Variants in FUT8 observed in about 807,000 individuals in gnomAD.
The protein encoded by FUT8 is fucosyltransferase 8.
FUT8 carries 29 observed loss-of-function variants against 71.3 expected under a neutral mutation model. The observed-to-expected ratio is 0.41, with a 90% CI of 0.30 to 0.55. FUT8 has a LOEUF of 0.55. FUT8 is among the 20% of genes least tolerant of loss of function. The probability of loss-of-function intolerance (pLI) is 0.34; values close to 1 mark genes in which losing one functional copy is unlikely to be tolerated. For missense variants in FUT8, 544 were observed against 702.1 expected, an observed-to-expected ratio of 0.77 and a Z score of 2.55; for synonymous variants, 254 against 239.3, an observed-to-expected ratio of 1.06 and a Z score of -0.57.
chr14:65,629,541 G>A lies in FUT8; in HGVS notation c.532G>A (p.Asp178Asn), dbSNP rs1190663720. ...YYLSQTDGAG[D>N]WREKEAKDLT... ...CCTCAGTCAGACAGATGGAGCAGGT[G>A]ATTGGCGGGAAAAAGAGGCCAAAGA... Residue 178 changes from aspartate (D) to asparagine (N), a missense_variant, in exon 6 of 11, where the codon GAT becomes AAT. Asp to Asn is a conservative substitution (Grantham distance 23). Coordinates refer to ENST00000673929, the MANE Select transcript of FUT8 (RefSeq NM_001371533.1). 6.2e-7 allele frequency: 1 copy of A among 1,613,756 alleles called. No individual in the cohort carries two copies. The highest frequency in any genetic ancestry group is 1.3e-5 in the African/African-American group (1 of 74,894).
Position 65,638,450 on chromosome 14 carries a change from GAA to G in FUT8, c.597+8846_597+8847del, listed in dbSNP as rs1890674659. Among the ~76,000 whole-genome samples, 1 of 151,594 alleles carries G rather than the reference GAA, an allele frequency of 6.6e-6. No individual in the cohort carries two copies. Among genetic ancestry groups the G allele is most frequent in the Non-Finnish European group, 1.5e-5 (1 of 67,906 alleles). On this transcript the variant is annotated intron_variant, in intron 6 of 10. Coordinates refer to ENST00000673929, the MANE Select transcript of FUT8 (RefSeq NM_001371533.1). This position sits in a 1 kb window ranked among gnomAD's most constrained non-coding sequence, Gnocchi z 4.5. ...GATTATTTTTCTTTTTTTTTTGAGA[GAA>G]AGAGAGGAAAAAAGGTGTGAAAATG... is the stretch of plus-strand genomic sequence containing the variant.
chr14:65,361,979 C>G, the FUT8 span, among the ~76,000 whole-genome samples: 1 of 152,126 alleles, frequency 6.6e-6, no homozygotes, highest in East Asian at 1.9e-4. Context: ...TGCTTTCTTT[C>G]TTTCACTCCA....
At chr14:65,537,727 T>C (rs939772175) in intron 2 of FUT8, among the ~76,000 whole-genome samples, 1 of 152,182 alleles carries the variant, frequency 6.6e-6, no homozygotes, top group African/African-American at 2.4e-5. Context: ...CTCATCTTTG[T>C]GGGCTAATGT....
At chr14:65,479,934 G>A (rs2066303339) in intron 2 of FUT8, 1 of 151,876 alleles carries the variant, frequency 6.6e-6, no homozygotes, top group Admixed American at 6.6e-5. Context: ...TTTGAGAATG[G>A]GGGAATTGGA....
the FUT8 span, among the ~76,000 whole-genome samples, chr14:65,380,206 A>G: frequency 2.0e-5 from 3 of 152,198 alleles, no homozygotes; most frequent in Non-Finnish European, 4.4e-5. Flanking sequence ...CTTACATGGC[A>G]GTGGCAAGAG....
At chr14:65,637,416 G>A (rs1428503620) in intron 6 of FUT8, among the ~76,000 whole-genome samples, 1 of 152,128 alleles carries the variant, frequency 6.6e-6, no homozygotes, top group Non-Finnish European at 1.5e-5. Context: ...AGTGCTGCTA[G>A]TTAGAGCAAA....
intron 2 of FUT8, among the ~76,000 whole-genome samples, chr14:65,545,709 CTAT>C (rs1296687830): frequency 1.3e-5 from 2 of 151,838 alleles, no homozygotes; most frequent in South Asian, 2.1e-4. Flanking sequence ...TAGGAAATCA[CTAT>C]TATTTGAATA....
At chr14:65,415,717 A>G (rs1252791085) in intron 1 of FUT8, among the ~76,000 whole-genome samples, 1 of 151,272 alleles carries the variant, frequency 6.6e-6, no homozygotes, top group East Asian at 1.9e-4. Context: ...GATAATTCCA[A>G]TAAAAAAATG....
chr14:65,415,979 C>A (rs1383727802), intron 1 of FUT8, among the ~76,000 whole-genome samples: 1 of 152,116 alleles, frequency 6.6e-6, no homozygotes, highest in East Asian at 1.9e-4. Flanking sequence ...ATATTAAAAT[C>A]ATTGGAATAT....
Position 65,721,937 on chromosome 14 carries a change from A to G in FUT8, c.998A>G (p.Lys333Arg), listed in dbSNP as rs774617001. 5.6e-6 allele frequency: 9 copies of G among 1,614,182 alleles called. 1 individual carries two copies. The highest frequency in any genetic ancestry group is 1.6e-4 in the Middle Eastern group (1 of 6,062). The change falls in exon 8 of 11, where the codon AAA (lysine) becomes AGA (arginine). Residue 333 changes from lysine (K) to arginine (R), a missense_variant. Physicochemically the swap from Lys to Arg is conservative, Grantham distance 26 (BLOSUM62 2). Transcript: ENST00000673929. Reference protein sequence around the residue: ...PAVWWVSQFVKYLIRPQPWLE... With the variant: ...PAVWWVSQFVRYLIRPQPWLE... ...GTGTGGTGGGTGTCTCAGTTTGTCA[A>G]ATACTTGATCCGCCCACAGCCTTGG...
Position 65,467,709 on chromosome 14 carries a change from C to G in FUT8, c.-228+11991C>G. 2.4e-6 allele frequency: 1 copy of G among 422,656 alleles called. No homozygotes were observed. The highest frequency in any genetic ancestry group is 4.4e-6 in the Non-Finnish European group (1 of 225,210). The allele number at this position is 422,656 out of a possible 1,614,324, so 26.2% of individuals were successfully genotyped here. A position where few individuals can be genotyped will look rare whatever the true frequency, so the allele number is the denominator to read the frequency against. ...CAGGCTGGTCTCGAACTCCTGACCT[C>G]ATGGTCTGCCCGCCTCAGCCTCCCA... is the stretch of plus-strand genomic sequence containing the variant. On this transcript the variant is annotated intron_variant, in intron 2 of 10. Transcript: ENST00000673929. The surrounding 1 kb of genome is among the most constrained non-coding windows in gnomAD (Gnocchi z 4.1).
At chr14:65,364,428 C>G in the FUT8 span, among the ~76,000 whole-genome samples, 1 of 152,140 alleles carries the variant, frequency 6.6e-6, no homozygotes, top group South Asian at 2.1e-4. Flanking sequence ...GTCTCGAACT[C>G]CTGACCTCAG....
the FUT8 span, among the ~76,000 whole-genome samples, chr14:65,363,190 C>T: frequency 6.6e-5 from 10 of 152,120 alleles, no homozygotes; most frequent in Non-Finnish European, 1.3e-4. Context: ...GGTGTGACCT[C>T]GGCTTGCTGC....
intron 7 of FUT8, among the ~76,000 whole-genome samples, chr14:65,686,036 C>T (rs1471681518): frequency 6.6e-6 from 1 of 152,158 alleles, no homozygotes; most frequent in Non-Finnish European, 1.5e-5. Context: ...TTTACCCAGC[C>T]CCTATTCAAG....
intron 5 of FUT8, among the ~76,000 whole-genome samples, chr14:65,622,562 T>C (rs752081295): frequency 6.6e-6 from 1 of 152,198 alleles, no homozygotes; most frequent in Non-Finnish European, 1.5e-5. Context: ...GTATAAGCTA[T>C]TTTTGTTGTC....
intron 7 of FUT8, among the ~76,000 whole-genome samples, chr14:65,673,927 G>C (rs1892593541): frequency 6.6e-6 from 1 of 152,032 alleles, no homozygotes; most frequent in Admixed American, 6.6e-5. Context: ...TTAGCAAGTA[G>C]AACACAAATG....
At chr14:65,500,586 G>A (rs540285723) in intron 2 of FUT8, among the ~76,000 whole-genome samples, 2 of 152,278 alleles carry the variant, frequency 1.3e-5, no homozygotes, top group Non-Finnish European at 2.9e-5. Context: ...TAATATGTTG[G>A]CCTGAAGTTT....
chr14:65,524,476 G>A (rs1047911786), intron 2 of FUT8, among the ~76,000 whole-genome samples: 2 of 152,188 alleles, frequency 1.3e-5, no homozygotes, highest in Non-Finnish European at 2.9e-5. Flanking sequence ...ATTTTGGGCT[G>A]AGACAATGGG....
At chr14:65,394,750 C>CTTTTTTT in the FUT8 span, among the ~76,000 whole-genome samples, 1 of 132,556 alleles carries the variant, frequency 7.5e-6, no homozygotes, top group Non-Finnish European at 1.6e-5. Flanking sequence ...GCAGTCAAAT[C>CTTTTTTT]TTTTTTTTTT....
Sources: allele counts gnomAD v4.1 joint callset (sites outside exome capture counted in the v4.1 genomes callset), GRCh38; gene constraint gnomAD v4.1.1; non-coding constraint Gnocchi (gnomAD v3.1); transcripts MANE v1.5; gene names NCBI Gene and HGNC (gene_info 2026-07-23, HGNC 2026-07-21).